Variants in XYLT1 observed in about 807,000 individuals in gnomAD.
XYLT1 encodes the protein beta-D-xylosyltransferase 1.
XYLT1 carries 36 observed loss-of-function variants against 91.3 expected under a neutral mutation model. The observed-to-expected ratio is 0.39, with a 90% CI of 0.30 to 0.52. The LOEUF (loss-of-function observed/expected upper bound fraction) is 0.52, where lower values mean the gene tolerates loss of function less well. XYLT1 is among the 20% of genes least tolerant of loss of function. The pLI is 0.68. For synonymous variants in XYLT1, 588 were observed against 532.0 expected (o/e 1.11, Z -1.45); for missense variants, 1,242 against 1,284.5 (o/e 0.97, Z 0.51).
At chr16:17,435,273 A>G (rs567585281) in intron 1 of XYLT1, among the ~76,000 whole-genome samples, 1 of 152,304 alleles carries the variant, frequency 6.6e-6, no homozygotes, top group Non-Finnish European at 1.5e-5. Context: ...TCACATAAAT[A>G]GACTCCAAAG....
intron 10 of XYLT1, among the ~76,000 whole-genome samples, chr16:17,119,756 C>T (rs1458237290): frequency 1.3e-5 from 2 of 152,174 alleles, no homozygotes; most frequent in Non-Finnish European, 2.9e-5. Context: ...TCGCTATGGT[C>T]AGAGGGGGCA....
chr16:17,363,502 C>A lies in XYLT1; in HGVS notation c.364-5452G>T, dbSNP rs149264224. On this transcript the variant is annotated intron_variant, in intron 1 of 11. Coordinates refer to ENST00000261381, the MANE Select transcript of XYLT1 (RefSeq NM_022166.4). Reference sequence around the variant, plus strand: ...TCACTGTTTCCTCACACAGCCTTTTCTCTATGCATCCCGGGTATCTATGTG... The same window carrying A: ...TCACTGTTTCCTCACACAGCCTTTTATCTATGCATCCCGGGTATCTATGTG... Among the ~76,000 whole-genome samples the A allele has an allele frequency of 3.3e-5, 5 of 152,288 alleles. No individual in the cohort carries two copies. The East Asian group carries it at 9.7e-4, about 29-fold the overall frequency.
intron 1 of XYLT1, among the ~76,000 whole-genome samples, chr16:17,399,796 A>G (rs1338031556): frequency 7.0e-6 from 1 of 142,928 alleles, no homozygotes; most frequent in Non-Finnish European, 1.5e-5. Flanking sequence ...TCCAGCCCCC[A>G]CCACCACCCA....
At chr16:17,207,701 T>A (rs11646172) in intron 3 of XYLT1, among the ~76,000 whole-genome samples, 1 of 151,972 alleles carries the variant, frequency 6.6e-6, no homozygotes, top group African/African-American at 2.4e-5. Context: ...CACCAAGCCC[T>A]GCTGGGAGGA....
intron 5 of XYLT1, among the ~76,000 whole-genome samples, chr16:17,185,480 A>G (rs936406515): frequency 5.9e-5 from 9 of 152,234 alleles, no homozygotes; most frequent in African/African-American, 2.2e-4. Flanking sequence ...AGTGGTTTGG[A>G]TGCTGAGAAA....
chr16:17,423,005 C>T (rs578144355), intron 1 of XYLT1, among the ~76,000 whole-genome samples: 10 of 152,246 alleles, frequency 6.6e-5, no homozygotes, highest in Admixed American at 4.6e-4. Context: ...GCAAAGTCCC[C>T]GTACAGACTA....
intron 2 of XYLT1, among the ~76,000 whole-genome samples, chr16:17,335,241 AAAC>A (rs2034962495): frequency 6.7e-6 from 1 of 148,680 alleles, no homozygotes; most frequent in African/African-American, 2.6e-5. Flanking sequence ...AAACAATAAC[AAAC>A]AAAAAAAAAA....
At chr16:17,326,272 C>G (rs1000044531) in intron 2 of XYLT1, among the ~76,000 whole-genome samples, 1 of 152,168 alleles carries the variant, frequency 6.6e-6, no homozygotes, top group Non-Finnish European at 1.5e-5. Flanking sequence ...ACTCGTCTTG[C>G]AGAACTGAAA....
chr16:17,367,494 G>C (rs1269595112), intron 1 of XYLT1, among the ~76,000 whole-genome samples: 2 of 152,196 alleles, frequency 1.3e-5, no homozygotes, highest in African/African-American at 4.8e-5. Flanking sequence ...CACCAAGATG[G>C]CAGGTGGCCC....
At chr16:17,454,363 T>C (rs971467687) in intron 1 of XYLT1, among the ~76,000 whole-genome samples, 1 of 152,260 alleles carries the variant, frequency 6.6e-6, no homozygotes, top group Middle Eastern at 3.4e-3. Context: ...AATATAGACA[T>C]AGGGTTAGCA....
intron 2 of XYLT1, among the ~76,000 whole-genome samples, chr16:17,300,824 A>G (rs1013841402): frequency 6.6e-6 from 1 of 152,128 alleles, no homozygotes; most frequent in Admixed American, 6.6e-5. Context: ...TCGATGAGCT[A>G]GATAGGTAAG....
At chr16:17,431,220 C>A (rs145043137) in intron 1 of XYLT1, among the ~76,000 whole-genome samples, 10 of 152,300 alleles carry the variant, frequency 6.6e-5, no homozygotes, top group Admixed American at 2.0e-4. Context: ...ACTGAGCTGA[C>A]TGGATGTGTC....
intron 3 of XYLT1, among the ~76,000 whole-genome samples, chr16:17,209,167 T>C (rs1286653167): frequency 6.6e-6 from 1 of 152,176 alleles, no homozygotes; most frequent in Admixed American, 6.5e-5. Context: ...CTTCCCACTC[T>C]CCCCTCCTTC....
intron 2 of XYLT1, among the ~76,000 whole-genome samples, chr16:17,319,449 A>C (rs894900557): frequency 6.9e-6 from 1 of 144,208 alleles, no homozygotes; most frequent in African/African-American, 2.5e-5. Flanking sequence ...CCATTCAGGA[A>C]TTTTTTTTTT....
chr16:17,241,797 C>A (rs1181844114), intron 3 of XYLT1, among the ~76,000 whole-genome samples: 2 of 152,256 alleles, frequency 1.3e-5, no homozygotes, highest in East Asian at 3.9e-4. Context: ...TCTCCACATG[C>A]TGGAGTTGGA....
chr16:17,233,916 G>A (rs2033206807), intron 3 of XYLT1, among the ~76,000 whole-genome samples: 1 of 152,152 alleles, frequency 6.6e-6, no homozygotes, highest in Admixed American at 6.5e-5. Flanking sequence ...TGGGGGTGCG[G>A]CAGACTTGGC....
At chr16:17,394,856 C>T (rs1243443458) in intron 1 of XYLT1, among the ~76,000 whole-genome samples, 4 of 152,154 alleles carry the variant, frequency 2.6e-5, no homozygotes, top group Admixed American at 2.0e-4. Context: ...CATGGTAGCT[C>T]ATGCCTGTAA....
intron 1 of XYLT1, among the ~76,000 whole-genome samples, chr16:17,379,763 T>TCACACACACACACACACACACA (rs71137987): frequency 6.4e-5 from 8 of 125,546 alleles, no homozygotes; most frequent in African/African-American, 2.2e-4. Context: ...TCTCTCTCTC[T>TCACACACACACACACACACACA]CACACACACA....
At chr16:17,212,691 T>A (rs764639594) in intron 3 of XYLT1, among the ~76,000 whole-genome samples, 1 of 152,072 alleles carries the variant, frequency 6.6e-6, no homozygotes, top group Non-Finnish European at 1.5e-5. Context: ...AAGTCTGGAG[T>A]TATTAAAGAA....
Sources: allele counts gnomAD v4.1 joint callset (sites outside exome capture counted in the v4.1 genomes callset), GRCh38; gene constraint gnomAD v4.1.1; transcripts MANE v1.5; gene names NCBI Gene and HGNC (gene_info 2026-07-23, HGNC 2026-07-21).